Variants in INSYN2A observed in about 807,000 individuals in gnomAD.
INSYN2A encodes inhibitory synaptic factor 2A.
In INSYN2A, 17 loss-of-function variants were observed where a neutral mutation model predicts 39.4. The ratio of observed to expected loss-of-function variants is 0.43; its 90% CI spans 0.30 to 0.65. The LOEUF (loss-of-function observed/expected upper bound fraction) is 0.65. INSYN2A is among the 30% of genes least tolerant of loss of function. The probability of loss-of-function intolerance (pLI) is 0.14; values close to 1 mark genes in which losing one functional copy is unlikely to be tolerated. For synonymous variants in INSYN2A, 255 were observed against 265.7 expected (o/e 0.96, Z 0.39); for missense variants, 595 against 631.2 (o/e 0.94, Z 0.61).
At chr10:127,166,044 A>T (rs778513538) in intron 4 of INSYN2A, among the ~76,000 whole-genome samples, 9 of 152,178 alleles carry the variant, frequency 5.9e-5, no homozygotes, top group Non-Finnish European at 1.2e-4. Context: ...TAAAAAATTT[A>T]AAAAATGCCT....
chr10:127,145,836 TCA>T (rs2051771608), intron 5 of INSYN2A: 1 of 352,494 alleles, frequency 2.8e-6, no homozygotes. Flanking sequence ...ATAGTTCTCA[TCA>T]CACACGGAAA....
chr10:127,147,156 G>A (rs1449985860), intron 5 of INSYN2A, among the ~76,000 whole-genome samples: 2 of 152,102 alleles, frequency 1.3e-5, no homozygotes, highest in East Asian at 3.9e-4. Flanking sequence ...CAGTCATTTG[G>A]GGAAGGAACT....
chr10:127,195,656 C>T (rs2057070855), intron 1 of INSYN2A, among the ~76,000 whole-genome samples: 1 of 152,098 alleles, frequency 6.6e-6, no homozygotes, highest in Non-Finnish European at 1.5e-5. Flanking sequence ...CTAGGGCTGT[C>T]GGGCGCTCAC....
intron 2 of INSYN2A, among the ~76,000 whole-genome samples, chr10:127,186,506 CGCCCCCCCG>C (rs1342083339): frequency 0.13 from 2,452 of 19,148 alleles, 784 homozygotes; most frequent in East Asian, 0.55. Context: ...TGGGAGAAAC[CGCCCCCCCG>C]CCCCCCCCCG....
intron 5 of INSYN2A, among the ~76,000 whole-genome samples, chr10:127,146,888 C>T: frequency 6.6e-6 from 1 of 152,176 alleles, no homozygotes; most frequent in East Asian, 1.9e-4. Flanking sequence ...CTCCATTAGT[C>T]AGGAGGTGCC....
Position 127,176,185 on chromosome 10 carries a change from C to T in INSYN2A, c.211G>A (p.Glu71Lys). 2 of 1,614,144 alleles carry T rather than the reference C, an allele frequency of 1.2e-6. No homozygotes were observed. Among genetic ancestry groups the T allele is most frequent in the Non-Finnish European group, 8.5e-7 (1 of 1,180,024 alleles). The part of the protein sequence containing the change: ...DTQLSSGQLG[E>K]KREAKPVSCR... ...GACACGGGCTTGGCCTCCCGCTTCT[C>T]CCCCAGCTGGCCCGAGGACAGCTGT... The change falls in exon 4 of 6, where the codon GAG becomes AAG. Residue 71 changes from glutamate to lysine, a missense_variant. Glu to Lys is a moderately conservative substitution (Grantham distance 56). Coordinates refer to ENST00000522781, the MANE Select transcript of INSYN2A (RefSeq NM_001039762.3). The surrounding 1 kb of genome is among the most constrained non-coding windows in gnomAD (Gnocchi z 4.4).
intron 4 of INSYN2A, among the ~76,000 whole-genome samples, chr10:127,163,818 T>TC (rs397738877): frequency 1.4e-4 from 21 of 150,104 alleles, no homozygotes; most frequent in African/African-American, 5.1e-4. Flanking sequence ...TTTTTTTTTT[T>TC]GCCCTGAAGC....
chr10:127,188,906 C>T (rs2056514291), intron 2 of INSYN2A, among the ~76,000 whole-genome samples: 1 of 152,164 alleles, frequency 6.6e-6, no homozygotes, highest in African/African-American at 2.4e-5. Flanking sequence ...CCAAAGGTCA[C>T]ACAGATACTG....
At chr10:127,191,290 C>A (rs989550763) in intron 2 of INSYN2A, among the ~76,000 whole-genome samples, 1 of 152,146 alleles carries the variant, frequency 6.6e-6, no homozygotes, top group Non-Finnish European at 1.5e-5. Context: ...TGGACTTGAG[C>A]TTCTTGGAGT....
chr10:127,194,817 C>T (rs572248762), intron 1 of INSYN2A, among the ~76,000 whole-genome samples: 1 of 152,180 alleles, frequency 6.6e-6, no homozygotes, highest in East Asian at 1.9e-4. Context: ...GCAGGGCTCC[C>T]CCAAAGTTCA....
chr10:127,190,813 T>G (rs1270969265), intron 2 of INSYN2A, among the ~76,000 whole-genome samples: 2 of 151,678 alleles, frequency 1.3e-5, no homozygotes, highest in African/African-American at 2.4e-5. Context: ...AAGGTTTTAC[T>G]CATAGCTGCC....
chr10:127,152,938 T>C (rs1293349894), intron 5 of INSYN2A, among the ~76,000 whole-genome samples: 1 of 152,202 alleles, frequency 6.6e-6, no homozygotes, highest in East Asian at 1.9e-4. Context: ...AGGCTTTCCC[T>C]TGGGAGAGAA....
intron 5 of INSYN2A, among the ~76,000 whole-genome samples, chr10:127,139,803 A>G (rs1229808952): frequency 6.6e-6 from 1 of 152,096 alleles, no homozygotes; most frequent in Non-Finnish European, 1.5e-5. Flanking sequence ...TGTGGTGACA[A>G]TCTCTCCCCA....
At chr10:127,160,933 G>A (rs1021287637) in intron 4 of INSYN2A, among the ~76,000 whole-genome samples, 83 of 152,106 alleles carry the variant, frequency 5.5e-4, no homozygotes, top group African/African-American at 2.0e-3. Flanking sequence ...CATCTTGAAG[G>A]GCTTTTTCAC....
chr10:127,181,140 A>T (rs969255953), intron 2 of INSYN2A, among the ~76,000 whole-genome samples: 3 of 152,250 alleles, frequency 2.0e-5, no homozygotes, highest in Non-Finnish European at 4.4e-5. Context: ...GCCCTGATAA[A>T]GAATGAAAAT....
intron 4 of INSYN2A, among the ~76,000 whole-genome samples, chr10:127,159,206 T>A (rs1010878533): frequency 3.9e-5 from 6 of 152,210 alleles, no homozygotes; most frequent in African/African-American, 1.4e-4. Context: ...GTCATTTACA[T>A]TTCTGTTTTG....
intron 2 of INSYN2A, among the ~76,000 whole-genome samples, chr10:127,191,606 T>C (rs2056761108): frequency 6.6e-6 from 1 of 152,166 alleles, no homozygotes; most frequent in Non-Finnish European, 1.5e-5. Flanking sequence ...AGAAGGACCA[T>C]TGACAAATAC....
chr10:127,172,094 TTC>T (rs1491399233), intron 4 of INSYN2A, among the ~76,000 whole-genome samples: 5 of 152,218 alleles, frequency 3.3e-5, no homozygotes, highest in Non-Finnish European at 5.9e-5. Flanking sequence ...TTTTCCTGTT[TTC>T]TTTTTTTGTT....
rs562587500 is a variant in INSYN2A at position 127,186,091 on chromosome 10, C to T, written c.-269+6514G>A. ...TTCCTAAACTCAGTTGTCTAATCTG[C>T]TCTAGAGGATGAATCACTGGCTTTC... On this transcript the variant is annotated intron_variant, in intron 2 of 5. Transcript: ENST00000522781. 2.0e-4 allele frequency among the ~76,000 whole-genome samples: 31 copies of T among 152,268 alleles called. No individual in the cohort carries two copies. The South Asian group carries it at 6.4e-3, about 32-fold the overall frequency.
Sources: gnomAD v4.1 joint callset for allele counts (sites outside exome capture counted in the v4.1 genomes callset) on GRCh38, gnomAD v4.1.1 for gene constraint, Gnocchi (gnomAD v3.1) non-coding constraint, MANE v1.5 for transcripts, NCBI Gene and HGNC (gene_info 2026-07-23, HGNC 2026-07-21) for gene names.